The following EYS variants were observed in gnomAD, a reference collection of about 807,000 sequenced individuals.
EYS encodes EGF-like photoreceptor maintenance factor.
EYS carries 250 observed loss-of-function variants against 282.1 expected under a neutral mutation model. That is an observed-to-expected ratio of 0.89 (90% CI 0.80 to 0.98). EYS has a LOEUF of 0.98. EYS is among the 50% of genes least tolerant of loss of function. The probability of loss-of-function intolerance (pLI) is 0.00; values close to 1 mark genes in which losing one functional copy is unlikely to be tolerated. For missense variants in EYS, 4,016 were observed against 3,709.0 expected, an observed-to-expected ratio of 1.08 and a Z score of -2.15; for synonymous variants, 1,355 against 1,282.9, an observed-to-expected ratio of 1.06 and a Z score of -1.20.
At chr6:64,533,581 T>C (rs1764421127) in intron 26 of EYS, among the ~76,000 whole-genome samples, 2 of 152,060 alleles carry the variant, frequency 1.3e-5, no homozygotes, top group Non-Finnish European at 2.9e-5. Context: ...AAGGATTCTT[T>C]ACCTGTATCT....
intron 31 of EYS, among the ~76,000 whole-genome samples, chr6:64,101,618 T>A (rs1202617107): frequency 6.6e-6 from 1 of 151,818 alleles, no homozygotes; most frequent in Admixed American, 6.6e-5. Context: ...ATATGAAAAA[T>A]GTAGAGTAAT....
chr6:64,852,154 T>C (rs9351447), intron 19 of EYS, among the ~76,000 whole-genome samples: 13,945 of 152,078 alleles, frequency 0.092, 844 homozygotes, highest in East Asian at 0.32. Context: ...TGATGGTTAG[T>C]ACTGAGTGTC....
chr6:65,092,414 G>T (rs1382548652), intron 12 of EYS, among the ~76,000 whole-genome samples: 1 of 152,132 alleles, frequency 6.6e-6, no homozygotes, highest in Admixed American at 6.6e-5. Flanking sequence ...ACCAGCGCCT[G>T]AAAATCAAAT....
At chr6:64,572,690 A>G (rs1046108580) in intron 26 of EYS, among the ~76,000 whole-genome samples, 13 of 152,158 alleles carry the variant, frequency 8.5e-5, no homozygotes, top group Admixed American at 8.5e-4. Context: ...AAGATAATAA[A>G]ATACCTAGGA....
chr6:65,133,778 A>G (rs1775947866), intron 12 of EYS, among the ~76,000 whole-genome samples: 1 of 152,160 alleles, frequency 6.6e-6, no homozygotes, highest in Non-Finnish European at 1.5e-5. Context: ...ATGGGATCTA[A>G]TTAAACATAA....
chr6:65,529,806 G>A (rs893636451), intron 2 of EYS, among the ~76,000 whole-genome samples: 2 of 152,086 alleles, frequency 1.3e-5, no homozygotes, highest in African/African-American at 2.4e-5. Context: ...GAGCTCCCTT[G>A]CTCTTTCCAT....
At chr6:64,377,819 G>C (rs639461) in intron 29 of EYS, 108,381 of 151,306 alleles carry the variant, frequency 0.72, 38,989 homozygotes, top group African/African-American at 0.79. Flanking sequence ...TAAAGTAGAT[G>C]TTGGAGCTAT....
At chr6:65,621,945 A>G (rs976207366) in intron 2 of EYS, among the ~76,000 whole-genome samples, 7 of 152,158 alleles carry the variant, frequency 4.6e-5, no homozygotes, top group African/African-American at 1.7e-4. Context: ...GCTTTCACTA[A>G]TCTTTCCTTG....
intron 26 of EYS, among the ~76,000 whole-genome samples, chr6:64,492,453 A>G (rs1291976498): frequency 6.6e-6 from 1 of 150,518 alleles, no homozygotes; most frequent in Non-Finnish European, 1.5e-5. Flanking sequence ...GTCCCAGTTC[A>G]TGCTGGTCCT....
chr6:65,665,907 C>T (rs775832310), intron 1 of EYS, among the ~76,000 whole-genome samples: 2 of 151,966 alleles, frequency 1.3e-5, no homozygotes, highest in Non-Finnish European at 2.9e-5. Flanking sequence ...ATCATATACA[C>T]TCCCAGTTAT....
intron 28 of EYS, among the ~76,000 whole-genome samples, chr6:64,397,301 G>A (rs1372025256): frequency 2.0e-5 from 3 of 151,934 alleles, no homozygotes; most frequent in African/African-American, 4.8e-5. Flanking sequence ...TCCGTGTACT[G>A]CTCTGGTAAG....
intron 31 of EYS, among the ~76,000 whole-genome samples, chr6:64,177,742 T>A (rs1242479462): frequency 1.3e-5 from 2 of 152,144 alleles, no homozygotes; most frequent in African/African-American, 4.8e-5. Context: ...ACTTTGTTTT[T>A]TTTCTCTCGG....
intron 11 of EYS, among the ~76,000 whole-genome samples, chr6:65,316,722 G>A (rs1408458705): frequency 3.3e-5 from 5 of 152,018 alleles, no homozygotes; most frequent in African/African-American, 7.3e-5. Context: ...GAGTGAGAAC[G>A]TGCAGTGTTT....
intron 26 of EYS, among the ~76,000 whole-genome samples, chr6:64,589,428 C>T (rs914834711): frequency 6.6e-6 from 1 of 152,134 alleles, no homozygotes; most frequent in African/African-American, 2.4e-5. Context: ...CACAAAGTAA[C>T]ACTTGAAAAT....
At chr6:64,366,724 C>A (rs554962367) in intron 29 of EYS, among the ~76,000 whole-genome samples, 59 of 151,766 alleles carry the variant, frequency 3.9e-4, no homozygotes, top group Non-Finnish European at 7.7e-4. Flanking sequence ...GATCTACTGG[C>A]AGAAAAAAAA....
intron 9 of EYS, among the ~76,000 whole-genome samples, chr6:65,347,066 T>A (rs551982747): frequency 2.8e-4 from 43 of 151,946 alleles, no homozygotes; most frequent in African/African-American, 9.9e-4. Flanking sequence ...TTAGGTCAAA[T>A]GGTATAGAAT....
intron 22 of EYS, among the ~76,000 whole-genome samples, chr6:64,730,657 T>C (rs112623482): frequency 1.5e-3 from 223 of 152,118 alleles, no homozygotes; most frequent in African/African-American, 5.2e-3. Context: ...TTTATATTTT[T>C]AGTAGAGACG....
intron 26 of EYS, among the ~76,000 whole-genome samples, chr6:64,460,844 T>C (rs1444402511): frequency 6.6e-6 from 1 of 152,216 alleles, no homozygotes; most frequent in Non-Finnish European, 1.5e-5. Context: ...CAACTCTTCA[T>C]CTGATTTTTC....
chr6:64,798,076 T>C (rs1258403226), intron 22 of EYS, among the ~76,000 whole-genome samples: 1 of 152,064 alleles, frequency 6.6e-6, no homozygotes, highest in Admixed American at 6.6e-5. Flanking sequence ...CAAATAAATA[T>C]TAAGTAACAA....
Sources: allele counts gnomAD v4.1 joint callset (sites outside exome capture counted in the v4.1 genomes callset), GRCh38; gene constraint gnomAD v4.1.1; transcripts MANE v1.5; gene names NCBI Gene and HGNC (gene_info 2026-07-23, HGNC 2026-07-21).